SHLD1: variants seen among roughly 807,000 people sequenced by gnomAD.
The protein encoded by SHLD1 is RINN1-REV7-interacting novel NHEJ regulator 3.
In SHLD1, 3 loss-of-function variants were observed where a neutral mutation model predicts 5.5. That is an observed-to-expected ratio of 0.54 (90% CI 0.25 to 1.40). The LOEUF is 1.40. Ranked by LOEUF, SHLD1 falls within the 40% of genes most tolerant of loss-of-function variation. The pLI is 0.15. For missense variants in SHLD1, 210 were observed against 244.4 expected, an observed-to-expected ratio of 0.86 and a Z score of 0.94; for synonymous variants, 92 against 94.3, an observed-to-expected ratio of 0.98 and a Z score of 0.14.
intron 1 of SHLD1, chr20:5,756,689 CTTTT>C (rs35462391): frequency 5.2e-4 from 42 of 80,348 alleles, no homozygotes; most frequent in South Asian, 3.0e-3. Context: ...TTCTTTCTTT[CTTTT>C]TTTTTTTTTT....
chr20:5,773,032 A>G lies in SHLD1; in HGVS notation c.167A>G (p.Asp56Gly). The change falls in exon 2 of 3, where the codon GAT becomes GGT. Residue 56 changes from aspartate to glycine, a missense_variant. By Grantham distance (94) the Asp-to-Gly change is moderately conservative. Transcript: ENST00000303142. ...LEFHSFPYSS[D>G]VDPDTSNLNI... Reference sequence around the variant, plus strand: ...TTCCATTCTTTTCCTTATTCTTCTGATGTGGATCCAGGTAATAAGCAGAGT... The same window carrying G: ...TTCCATTCTTTTCCTTATTCTTCTGGTGTGGATCCAGGTAATAAGCAGAGT... 1 of 1,614,208 alleles carries G rather than the reference A, an allele frequency of 6.2e-7. No homozygotes were observed.
intron 2 of SHLD1, among the ~76,000 whole-genome samples, chr20:5,853,669 G>T (rs1406630929): frequency 6.6e-6 from 1 of 152,046 alleles, no homozygotes; most frequent in African/African-American, 2.4e-5. Flanking sequence ...GTAGTCCAGG[G>T]TTGGGCTGCT....
At chr20:5,830,573 A>G (rs910996086) in intron 2 of SHLD1, among the ~76,000 whole-genome samples, 1 of 152,044 alleles carries the variant, frequency 6.6e-6, no homozygotes, top group Non-Finnish European at 1.5e-5. Flanking sequence ...CTGTAATCTC[A>G]GCTACTCAGG....
At chr20:5,809,237 A>G (rs2087424914) in intron 2 of SHLD1, among the ~76,000 whole-genome samples, 1 of 152,130 alleles carries the variant, frequency 6.6e-6, no homozygotes, top group African/African-American at 2.4e-5. Flanking sequence ...ATGTTTGCAC[A>G]AAAATAAGAA....
chr20:5,800,239 A>ATCTTCCCATG (rs2087272565), intron 2 of SHLD1, among the ~76,000 whole-genome samples: 1 of 151,950 alleles, frequency 6.6e-6, no homozygotes, highest in African/African-American at 2.4e-5. Context: ...TTCTTCCCAC[A>ATCTTCCCATG]CTGTCTTGGA....
intron 2 of SHLD1, among the ~76,000 whole-genome samples, chr20:5,828,317 A>G (rs991697531): frequency 6.7e-5 from 5 of 74,870 alleles, no homozygotes; most frequent in Non-Finnish European, 2.0e-4. Context: ...AGACCTTAGA[A>G]CAGTGTGATA....
chr20:5,850,121 T>TAATAATAATAATAAC (rs2087988449), intron 2 of SHLD1, among the ~76,000 whole-genome samples: 4 of 127,694 alleles, frequency 3.1e-5, no homozygotes, highest in Non-Finnish European at 6.6e-5. Flanking sequence ...TCAATAATAA[T>TAATAATAATAATAAC]AATAATAATA....
chr20:5,823,459 T>G (rs1004036567), intron 2 of SHLD1, among the ~76,000 whole-genome samples: 2 of 151,598 alleles, frequency 1.3e-5, no homozygotes, highest in Non-Finnish European at 2.9e-5. Context: ...TTTGTTTTTT[T>G]TTTTTTGAGA....
chr20:5,794,058 C>T (rs1418306569), intron 2 of SHLD1, among the ~76,000 whole-genome samples: 2 of 151,770 alleles, frequency 1.3e-5, no homozygotes, highest in Non-Finnish European at 2.9e-5. Context: ...AAAAAAATCA[C>T]GTTCTACATT....
intron 2 of SHLD1, among the ~76,000 whole-genome samples, chr20:5,799,602 C>T (rs1289069599): frequency 4.6e-5 from 7 of 151,902 alleles, no homozygotes; most frequent in East Asian, 3.9e-4. Flanking sequence ...GTGTGAGCCA[C>T]CGCGCCCAGC....
chr20:5,827,480 C>T (rs1883749), intron 2 of SHLD1, among the ~76,000 whole-genome samples: 58,208 of 152,006 alleles, frequency 0.38, 13,107 homozygotes, highest in East Asian at 0.54. Flanking sequence ...CCCTATGGCA[C>T]CCCCAGTCTG....
intron 2 of SHLD1, among the ~76,000 whole-genome samples, chr20:5,823,055 CTT>C (rs1260155432): frequency 1.6e-5 from 2 of 122,156 alleles, no homozygotes; most frequent in African/African-American, 3.1e-5. Flanking sequence ...ACTGTGGTGT[CTT>C]TTGTCCTTCC....
rs1435706363 is a variant in SHLD1 at position 5,762,837 on chromosome 20, G to A, written c.-4-10025G>A. 3.3e-5 allele frequency among the ~76,000 whole-genome samples: 5 copies of A among 152,138 alleles called. No homozygotes were observed. The East Asian group carries it at 5.8e-4, about 18-fold the overall frequency. On this transcript the variant is annotated intron_variant, in intron 1 of 2. Transcript: ENST00000303142. ...AAATACAAAAAATTAGCCAGGTGTG[G>A]TAGTGCGCGCCTGTAGTCCCAGCTA...
At chr20:5,848,545 T>C (rs1041798014) in intron 2 of SHLD1, among the ~76,000 whole-genome samples, 2 of 152,216 alleles carry the variant, frequency 1.3e-5, no homozygotes, top group African/African-American at 4.8e-5. Context: ...CAACCTATAA[T>C]ATCTGTGAAG....
chr20:5,823,785 G>T (rs1568520417), intron 2 of SHLD1, among the ~76,000 whole-genome samples: 1 of 152,122 alleles, frequency 6.6e-6, no homozygotes, highest in Non-Finnish European at 1.5e-5. Context: ...TTACACAGTT[G>T]TGTTGGGCTG....
At chr20:5,762,237 C>T (rs1014036880) in intron 1 of SHLD1, among the ~76,000 whole-genome samples, 1 of 150,620 alleles carries the variant, frequency 6.6e-6, no homozygotes, top group African/African-American at 2.5e-5. Context: ...GAGTGAGACT[C>T]TGTCTCAGAA....
chr20:5,834,657 G>C (rs1341102144), intron 2 of SHLD1, among the ~76,000 whole-genome samples: 2 of 152,146 alleles, frequency 1.3e-5, no homozygotes, highest in Non-Finnish European at 2.9e-5. Flanking sequence ...TTGTGCAAAG[G>C]TCTTTGGTAA....
chr20:5,815,678 T>C (rs1043378033), intron 2 of SHLD1, among the ~76,000 whole-genome samples: 11 of 152,254 alleles, frequency 7.2e-5, no homozygotes, highest in Non-Finnish European at 1.5e-4. Flanking sequence ...TCTATCTTCA[T>C]AAGGTTCCCC....
At chr20:5,769,712 A>G (rs1398068338) in intron 1 of SHLD1, among the ~76,000 whole-genome samples, 3 of 151,804 alleles carry the variant, frequency 2.0e-5, no homozygotes, top group Non-Finnish European at 4.4e-5. Flanking sequence ...AGATGATGAA[A>G]TGCCTACGTG....
Sources: allele counts gnomAD v4.1 joint callset (sites outside exome capture counted in the v4.1 genomes callset), GRCh38; gene constraint gnomAD v4.1.1; transcripts MANE v1.5; gene names NCBI Gene and HGNC (gene_info 2026-07-23, HGNC 2026-07-21).